The following NUF2 variants were observed in gnomAD, a reference collection of about 807,000 sequenced individuals.
The protein encoded by NUF2 is kinetochore protein Nuf2.
A neutral mutation model predicts 61.8 loss-of-function variants in NUF2; 34 were observed. The observed-to-expected ratio is 0.55, with a 90% CI of 0.42 to 0.73. The LOEUF (loss-of-function observed/expected upper bound fraction) is 0.73, where lower values mean the gene tolerates loss of function less well. Ranked by LOEUF, NUF2 falls within the 30% of genes least tolerant of loss-of-function variation. The pLI is 0.00. For synonymous variants in NUF2, 172 were observed against 181.6 expected (o/e 0.95, Z 0.42); for missense variants, 445 against 539.1 (o/e 0.83, Z 1.73).
At position 163,347,781 on chromosome 1, in the gene NUF2, C is replaced by T; in HGVS notation, c.967C>T (p.Gln323Ter). The change falls in exon 12 of 14, where the codon CAA (glutamine) becomes TAA (stop). Residue 323 changes from glutamine (Q) to a stop codon, truncating the protein, a stop_gained. Coordinates refer to ENST00000271452, the MANE Select transcript of NUF2 (RefSeq NM_145697.3). LOFTEE classifies it high-confidence loss of function. ...ILKESLNLED[Q>*]IESDESELKK... is the part of the protein sequence containing the mutation. The stretch of plus-strand genomic sequence containing the variant: ...AATACAGAGCCTGAACTTGGAGGAC[C>T]AAATTGAGAGTGATGAGTCAGAACT... 1 of 1,576,998 alleles carries T rather than the reference C, an allele frequency of 6.3e-7. No individual in the cohort carries two copies. Among genetic ancestry groups the T allele is most frequent in the Non-Finnish European group, 8.6e-7 (1 of 1,165,026 alleles).
chr1:163,338,743 A>G (rs2101678920), intron 7 of NUF2, among the ~76,000 whole-genome samples: 1 of 152,226 alleles, frequency 6.6e-6, no homozygotes, highest in East Asian at 1.9e-4. Context: ...GACAAAGTGG[A>G]GAGAATATTT....
At chr1:163,322,456 T>G (rs1333450472) in intron 1 of NUF2, among the ~76,000 whole-genome samples, 4 of 152,224 alleles carry the variant, frequency 2.6e-5, no homozygotes, top group Non-Finnish European at 5.9e-5. Context: ...CAAACGTTTC[T>G]TAACCAAATC....
chr1:163,325,699 G>T (rs1650394708), intron 1 of NUF2, among the ~76,000 whole-genome samples: 1 of 152,100 alleles, frequency 6.6e-6, no homozygotes, highest in Non-Finnish European at 1.5e-5. Flanking sequence ...GATTGGTCTT[G>T]TTAAGCTCCG....
At chr1:163,337,880 T>G (rs1650814541) in intron 6 of NUF2, 140 bp from the exon 7 acceptor site, 1 of 621,622 alleles carries the variant, frequency 1.6e-6, no homozygotes, top group Non-Finnish European at 2.9e-6. Flanking sequence ...AAGAAATTCC[T>G]AATTCATTTG....
chr1:163,352,555 C>T (rs1651357174), intron 13 of NUF2, among the ~76,000 whole-genome samples: 1 of 152,174 alleles, frequency 6.6e-6, no homozygotes, highest in Admixed American at 6.5e-5. Flanking sequence ...GAATGATTTC[C>T]ACCTCTAGGA....
chr1:163,351,381 AACT>A (rs1651312857), intron 13 of NUF2, among the ~76,000 whole-genome samples: 1 of 152,190 alleles, frequency 6.6e-6, no homozygotes, highest in Non-Finnish European at 1.5e-5. Flanking sequence ...ACTTTAGCAC[AACT>A]GTTACTTTTA....
chr1:163,324,231 T>C (rs959012164), intron 1 of NUF2, among the ~76,000 whole-genome samples: 2 of 151,824 alleles, frequency 1.3e-5, no homozygotes, highest in African/African-American at 2.4e-5. Flanking sequence ...TTGAAAATGG[T>C]GTCATGTAAA....
chr1:163,349,965 A>G (rs980066170), intron 13 of NUF2, among the ~76,000 whole-genome samples: 4 of 150,862 alleles, frequency 2.7e-5, no homozygotes, highest in Non-Finnish European at 5.9e-5. Context: ...TTAACTTGAT[A>G]TTCACCAAGA....
chr1:163,327,100 ACACACACACAC>A (rs1323355207), intron 2 of NUF2, among the ~76,000 whole-genome samples: 13,627 of 145,274 alleles, frequency 0.094, 863 homozygotes, highest in South Asian at 0.2. Context: ...TCCTGTGTTC[ACACACACACAC>A]ACACACACAC....
At chr1:163,346,920 A>G (rs1467127059) in intron 11 of NUF2, among the ~76,000 whole-genome samples, 2 of 152,204 alleles carry the variant, frequency 1.3e-5, no homozygotes, top group Non-Finnish European at 2.9e-5. Flanking sequence ...CACACTACTT[A>G]GAACAGCACA....
chr1:163,347,233 T>C (rs1264282050), intron 11 of NUF2, among the ~76,000 whole-genome samples: 1 of 152,234 alleles, frequency 6.6e-6, no homozygotes, highest in Non-Finnish European at 1.5e-5. Context: ...CCTTTTTTGC[T>C]TCTTAACTTG....
chr1:163,325,773 T>C (rs1189661985), intron 1 of NUF2, among the ~76,000 whole-genome samples: 1 of 152,178 alleles, frequency 6.6e-6, no homozygotes, highest in Non-Finnish European at 1.5e-5. Flanking sequence ...AAAGTCCTCC[T>C]TCCCAAATGT....
chr1:163,345,967 A>G, intron 11 of NUF2, 149 bp downstream of exon 11: 2 of 518,250 alleles, frequency 3.9e-6, no homozygotes, highest in Non-Finnish European at 6.5e-6. Flanking sequence ...GCTATGAAAA[A>G]GACACTTTTC....
chr1:163,348,911 G>A lies in NUF2; in HGVS notation c.1125-34G>A, dbSNP rs373708076. ...TGTTTGCCTTTTTAGTTGCTGAAGA[G>A]GATTAAATATTAGCTGTCTCGATTT... is the stretch of plus-strand genomic sequence containing the variant. On this transcript the variant is annotated intron_variant, in intron 12 of 13. Transcript: ENST00000271452. 8.6e-5 allele frequency: 137 copies of A among 1,596,130 alleles called. 1 individual carries two copies. The South Asian group carries it at 1.3e-3, about 15-fold the overall frequency.
chr1:163,342,709 C>T (rs1465399489), intron 9 of NUF2, among the ~76,000 whole-genome samples: 1 of 151,954 alleles, frequency 6.6e-6, no homozygotes, highest in African/African-American at 2.4e-5. Flanking sequence ...AGTATACACA[C>T]ATATAGAGAG....
rs1012370340 is a variant in NUF2 at position 163,322,027 on chromosome 1, C to G, written c.-206C>G. 3 of 152,230 alleles carry G rather than the reference C, an allele frequency of 2.0e-5. No individual in the cohort carries two copies. The highest frequency in any genetic ancestry group is 4.4e-5 in the Non-Finnish European group (3 of 68,124). The allele number at this position is 152,230 out of a possible 1,614,324, so 9.4% of individuals were successfully genotyped here. Reference sequence around the variant, plus strand: ...TTTTTGACTTTGCTTGTAGCTGCTCCCCGAACTCGCCGTCTTCCTGTCGGC... The same window carrying G: ...TTTTTGACTTTGCTTGTAGCTGCTCGCCGAACTCGCCGTCTTCCTGTCGGC... On this transcript the variant is annotated 5_prime_UTR_variant, in exon 1 of 14. Transcript: ENST00000271452.
intron 4 of NUF2, chr1:163,328,577 TAA>T: frequency 4.0e-6 from 2 of 505,110 alleles, no homozygotes; most frequent in South Asian, 6.8e-5. Context: ...TTTGAGTTCT[TAA>T]AAGAGTCTTA....
chr1:163,345,934 G>C, intron 11 of NUF2, 116 bp downstream of exon 11: 1 of 664,412 alleles, frequency 1.5e-6, no homozygotes, highest in Non-Finnish European at 2.4e-6. Flanking sequence ...TCATTCTACA[G>C]TATAATAGAT....
intron 13 of NUF2, among the ~76,000 whole-genome samples, chr1:163,355,047 T>G (rs185370681): frequency 6.6e-6 from 1 of 152,100 alleles, no homozygotes; most frequent in East Asian, 1.9e-4. Context: ...TAAAGTAAAA[T>G]TTTTCCTTGA....
Sources: gnomAD v4.1 joint callset for allele counts (sites outside exome capture counted in the v4.1 genomes callset) on GRCh38, gnomAD v4.1.1 for gene constraint, MANE v1.5 for transcripts, NCBI Gene and HGNC (gene_info 2026-07-23, HGNC 2026-07-21) for gene names.